Variants in PPARGC1A observed in about 807,000 individuals in gnomAD.
PPARGC1A encodes PPARG coactivator 1 alpha, also known as peroxisome proliferator-activated receptor gamma coactivator 1-alpha.
PPARGC1A carries 25 observed loss-of-function variants against 88.7 expected under a neutral mutation model. The observed-to-expected ratio is 0.28, with a 90% CI of 0.21 to 0.39. PPARGC1A has a LOEUF of 0.39. Ranked by LOEUF, PPARGC1A falls within the 10% of genes least tolerant of loss-of-function variation. The pLI, the probability that PPARGC1A is intolerant of heterozygous loss-of-function variation, is 1.00. For synonymous variants in PPARGC1A, 363 were observed against 355.6 expected, an observed-to-expected ratio of 1.02 and a Z score of -0.24; for missense variants, 880 against 968.7, an observed-to-expected ratio of 0.91 and a Z score of 1.22.
At chr4:23,875,507 G>A (rs1714514284) in intron 2 of PPARGC1A, among the ~76,000 whole-genome samples, 2 of 151,452 alleles carry the variant, frequency 1.3e-5, no homozygotes, top group Middle Eastern at 3.4e-3. Context: ...TCCAACCTAC[G>A]AGATAACATA....
the PPARGC1A span, among the ~76,000 whole-genome samples, chr4:24,232,925 G>A: frequency 1.3e-5 from 2 of 152,268 alleles, no homozygotes; most frequent in East Asian, 1.9e-4. Flanking sequence ...AAAGCAAATC[G>A]TGAAGGAAAG....
chr4:23,972,364 C>A, the PPARGC1A span, among the ~76,000 whole-genome samples: 1 of 152,166 alleles, frequency 6.6e-6, no homozygotes, highest in African/African-American at 2.4e-5. Flanking sequence ...CAGAAAGTTT[C>A]AGAGAACTAT....
chr4:24,458,453 A>T, the PPARGC1A span, among the ~76,000 whole-genome samples: 1 of 152,224 alleles, frequency 6.6e-6, no homozygotes, highest in Non-Finnish European at 1.5e-5. Flanking sequence ...GTGAGCCAAG[A>T]TCGTGCCACT....
the PPARGC1A span, among the ~76,000 whole-genome samples, chr4:24,134,368 G>A: frequency 6.6e-6 from 1 of 152,328 alleles, no homozygotes; most frequent in South Asian, 2.1e-4. Context: ...TAAGCTTAGA[G>A]ATAAATGTTT....
At chr4:23,966,901 C>T in the PPARGC1A span, among the ~76,000 whole-genome samples, 88 of 152,280 alleles carry the variant, frequency 5.8e-4, 1 homozygote, top group African/African-American at 2.1e-3. Context: ...CTTCTCATCA[C>T]GCCATACTGC....
chr4:23,824,513 A>C lies in PPARGC1A; in HGVS notation c.758-5T>G. On this transcript the variant is annotated splice_region_variant and splice_polypyrimidine_tract_variant and intron_variant, in intron 5 of 12. Transcript: ENST00000264867. ...GAGATAAAGTTGTTGGTTTGGCTAA[A>C]GAAAAAAAAAAGAAACTAATTATGT... The C allele has an allele frequency of 1.3e-6, 2 of 1,590,500 alleles. No individual in the cohort carries two copies. Among genetic ancestry groups the C allele is most frequent in the South Asian group, 2.3e-5 (2 of 88,666 alleles).
the PPARGC1A span, among the ~76,000 whole-genome samples, chr4:24,435,905 C>G: frequency 6.6e-6 from 1 of 152,134 alleles, no homozygotes; most frequent in Non-Finnish European, 1.5e-5. Context: ...ACCCTGCTAC[C>G]GGGCCTCAGT....
At chr4:23,799,628 C>T (rs1337368250) in intron 12 of PPARGC1A, among the ~76,000 whole-genome samples, 2 of 152,160 alleles carry the variant, frequency 1.3e-5, no homozygotes, top group Admixed American at 6.5e-5. Flanking sequence ...GCACATCAAA[C>T]ATACTTTTCA....
the PPARGC1A span, among the ~76,000 whole-genome samples, chr4:24,300,324 A>ATTTTTTTTTTTTTTTTTTTTTTT: frequency 1.8e-4 from 8 of 44,996 alleles, 2 homozygotes; most frequent in Non-Finnish European, 2.6e-4. Context: ...ATACAATAGC[A>ATTTTTTTTTTTTTTTTTTTTTTT]TTTTTTTTTT....
chr4:24,437,222 C>G, the PPARGC1A span, among the ~76,000 whole-genome samples: 2 of 152,344 alleles, frequency 1.3e-5, no homozygotes, highest in African/African-American at 4.8e-5. Context: ...CAGGGACCAC[C>G]TCTAGCCCTG....
chr4:24,387,090 A>G, the PPARGC1A span, among the ~76,000 whole-genome samples: 1 of 152,210 alleles, frequency 6.6e-6, no homozygotes. Flanking sequence ...AACGCCACAC[A>G]TCTGACAAAA....
At chr4:24,172,933 CA>C in the PPARGC1A span, among the ~76,000 whole-genome samples, 1 of 152,172 alleles carries the variant, frequency 6.6e-6, no homozygotes. Flanking sequence ...GGCATTTATC[CA>C]AGGAAGACAA....
the PPARGC1A span, among the ~76,000 whole-genome samples, chr4:24,047,668 A>G: frequency 2.0e-5 from 3 of 152,326 alleles, no homozygotes; most frequent in Non-Finnish European, 4.4e-5. Context: ...CGAAGCAACA[A>G]ATGCTTAGTA....
At chr4:24,471,129 A>C in the PPARGC1A span, among the ~76,000 whole-genome samples, 1 of 151,604 alleles carries the variant, frequency 6.6e-6, no homozygotes, top group Non-Finnish European at 1.5e-5. This position sits in a 1 kb window ranked among gnomAD's most constrained non-coding sequence, Gnocchi z 5.4. Flanking sequence ...AGCCGGGCTG[A>C]ACGGAGCTCT....
the PPARGC1A span, among the ~76,000 whole-genome samples, chr4:24,134,130 T>C: frequency 6.6e-6 from 1 of 152,182 alleles, no homozygotes; most frequent in Non-Finnish European, 1.5e-5. Context: ...CAGAGAAATG[T>C]CCCATCTTAG....
At chr4:23,825,312 T>C (rs1186427441) in intron 5 of PPARGC1A, 1 of 152,132 alleles carries the variant, frequency 6.6e-6, no homozygotes, top group Non-Finnish European at 1.5e-5. Flanking sequence ...TATACATTCA[T>C]GTATTATGTA....
At chr4:24,450,027 T>C in the PPARGC1A span, among the ~76,000 whole-genome samples, 6 of 152,204 alleles carry the variant, frequency 3.9e-5, no homozygotes, top group African/African-American at 1.4e-4. Context: ...TATTAGAGCA[T>C]AGGGCTTCTC....
At chr4:23,907,364 GC>G (rs1720170675), upstream of PPARGC1A, among the ~76,000 whole-genome samples, 1 of 152,128 alleles carries the variant, frequency 6.6e-6, no homozygotes, top group Admixed American at 6.5e-5. Flanking sequence ...TTGTAAGAAA[GC>G]ATTAAGTTTA....
the PPARGC1A span, among the ~76,000 whole-genome samples, chr4:24,023,577 G>A: frequency 6.6e-6 from 1 of 152,142 alleles, no homozygotes; most frequent in Admixed American, 6.5e-5. Context: ...ATATACTCCT[G>A]GGGCCATAGG....
Sources: allele counts gnomAD v4.1 joint callset (sites outside exome capture counted in the v4.1 genomes callset), GRCh38; gene constraint gnomAD v4.1.1; non-coding constraint Gnocchi (gnomAD v3.1); transcripts MANE v1.5; gene names NCBI Gene and HGNC (gene_info 2026-07-23, HGNC 2026-07-21).